Variants in SCNN1B observed in about 807,000 individuals in gnomAD.
SCNN1B encodes the protein epithelial sodium channel subunit beta.
A neutral mutation model predicts 65.3 loss-of-function variants in SCNN1B; 46 were observed. The observed-to-expected ratio is 0.70, with a 90% CI of 0.56 to 0.90. SCNN1B has a LOEUF of 0.90. SCNN1B is among the 40% of genes least tolerant of loss of function. The probability of loss-of-function intolerance (pLI) is 0.00; values close to 1 mark genes in which losing one functional copy is unlikely to be tolerated. For missense variants in SCNN1B, 751 were observed against 830.5 expected (o/e 0.90, Z 1.18); for synonymous variants, 349 against 330.6 (o/e 1.06, Z -0.60).
chr16:23,305,721 TG>T (rs1312150844), intron 1 of SCNN1B, among the ~76,000 whole-genome samples: 6 of 149,248 alleles, frequency 4.0e-5, no homozygotes, highest in African/African-American at 1.5e-4. Context: ...TACTCCAGCT[TG>T]GGCAACAGAG....
At position 23,367,843 on chromosome 16, in the gene SCNN1B, CTG is replaced by C; in HGVS notation, c.777-11_777-10del. On this transcript the variant is annotated splice_polypyrimidine_tract_variant and intron_variant, in intron 4 of 12. Transcript: ENST00000343070. Reference sequence around the variant, plus strand: ...GGTGGAACCTGCCCTGCAGCTGATGCTGTTTCTTTTAGGAACTTCACGTCCAT... The same window carrying C: ...GGTGGAACCTGCCCTGCAGCTGATGCTTTCTTTTAGGAACTTCACGTCCAT... 6.3e-7 allele frequency: 1 copy of C among 1,599,900 alleles called. No homozygotes were observed. The highest frequency in any genetic ancestry group is 8.6e-7 in the Non-Finnish European group (1 of 1,167,028).
chr16:23,380,908 TC>T lies in SCNN1B; in HGVS notation c.*109del. On this transcript the variant is annotated 3_prime_UTR_variant, in exon 13 of 13. Transcript: ENST00000343070. The surrounding 1 kb of genome is among the most constrained non-coding windows in gnomAD (Gnocchi z 5.4). Reference sequence around the variant, plus strand: ...CTCCAAAGGGTCGGGAGGGTAGCTCTCCAGGCCAGAGCTTGTGTCCTTCAAC... The same window carrying T: ...CTCCAAAGGGTCGGGAGGGTAGCTCTCAGGCCAGAGCTTGTGTCCTTCAAC... The T allele has an allele frequency of 8.0e-7, 1 of 1,248,974 alleles. No homozygotes were observed. The highest frequency in any genetic ancestry group is 1.2e-6 in the Non-Finnish European group (1 of 856,100). 77.4% of individuals were successfully genotyped at this position (1,248,974 alleles called of 1,614,324 possible). A position where few individuals can be genotyped will look rare whatever the true frequency, so the allele number is the denominator to read the frequency against.
At chr16:23,280,157 T>C (rs1194537121) in intron 1 of SCNN1B, among the ~76,000 whole-genome samples, 1 of 152,202 alleles carries the variant, frequency 6.6e-6, no homozygotes, top group Non-Finnish European at 1.5e-5. Context: ...GGGCTTTGCG[T>C]TCATCCTCTT....
At chr16:23,360,323 G>A (rs1335239773) in intron 4 of SCNN1B, among the ~76,000 whole-genome samples, 2 of 152,054 alleles carry the variant, frequency 1.3e-5, no homozygotes, top group Non-Finnish European at 2.9e-5. Flanking sequence ...ATCGCTTGAG[G>A]CCAGGAGTTT....
chr16:23,324,241 G>A (rs149918532), intron 1 of SCNN1B, among the ~76,000 whole-genome samples: 6 of 150,430 alleles, frequency 4.0e-5, no homozygotes, highest in African/African-American at 1.5e-4. Context: ...AGGGTGGAGT[G>A]CAGCGGTACA....
rs61729788 is a variant in SCNN1B, at chr16:23,375,747, C to T, written c.1162C>T (p.Arg388Cys). The T allele has an allele frequency of 2.2e-3, 3,509 of 1,613,382 alleles. 46 individuals carry two copies. In the African/African-American group the frequency reaches 0.033, roughly 15 times the overall value. Residue 388 changes from arginine to cysteine, a missense_variant, in exon 8 of 13, where the codon CGC becomes TGC. Arg to Cys is a radical substitution (Grantham distance 180). Coordinates refer to ENST00000343070, the MANE Select transcript of SCNN1B (RefSeq NM_000336.3). ...CCCCTACCCTCCCCAGGCCTGTCTT[C>T]GCTCCTGCTTCCAAGACCACATGAT... Reference protein sequence around the residue: ...NTTYSIQACLRSCFQDHMIRN... With the variant: ...NTTYSIQACLCSCFQDHMIRN...
intron 4 of SCNN1B, among the ~76,000 whole-genome samples, chr16:23,367,495 A>G (rs1490158781): frequency 2.6e-5 from 4 of 152,132 alleles, no homozygotes; most frequent in Non-Finnish European, 5.9e-5. Flanking sequence ...TGAGGGTCTC[A>G]CCATGTTGCC....
chr16:23,313,158 T>TGATG (rs1005412817), intron 1 of SCNN1B, among the ~76,000 whole-genome samples: 10 of 152,258 alleles, frequency 6.6e-5, no homozygotes, highest in African/African-American at 9.6e-5. Context: ...AATGAATGAA[T>TGATG]GATGGATGGA....
chr16:23,371,545 A>T, intron 6 of SCNN1B, 83 bp downstream of exon 6: 1 of 1,413,284 alleles, frequency 7.1e-7, no homozygotes. Context: ...TTGGCCTGGG[A>T]GGAGGGGATC....
chr16:23,337,435 A>C (rs1198763747), intron 1 of SCNN1B, among the ~76,000 whole-genome samples: 1 of 138,210 alleles, frequency 7.2e-6, no homozygotes, highest in Non-Finnish European at 1.5e-5. Flanking sequence ...GTGCAGTGGT[A>C]TGATCTCGGC....
intron 1 of SCNN1B, among the ~76,000 whole-genome samples, chr16:23,343,643 GAAA>G (rs1567304484): frequency 0.01 from 1,086 of 108,326 alleles, 35 homozygotes; most frequent in African/African-American, 0.022. Flanking sequence ...AAGAAAGAAA[GAAA>G]GAAAAAAAGA....
At chr16:23,306,186 T>C (rs2141980990) in intron 1 of SCNN1B, among the ~76,000 whole-genome samples, 1 of 151,128 alleles carries the variant, frequency 6.6e-6, no homozygotes, top group Non-Finnish European at 1.5e-5. Context: ...GAGATTGCGA[T>C]GAGCCGAGAT....
In SCNN1B at chr16:23,377,237, G is replaced by T; in HGVS notation, c.1343G>T (p.Cys448Phe). 6.2e-7 allele frequency: 1 copy of T among 1,614,228 alleles called. No individual in the cohort carries two copies. The highest frequency in any genetic ancestry group is 8.5e-7 in the Non-Finnish European group (1 of 1,180,034). Residue 448 changes from cysteine (C) to phenylalanine (F), a missense_variant, in exon 9 of 13, where the codon TGC (cysteine) becomes TTC (phenylalanine). Coordinates refer to ENST00000343070, the MANE Select transcript of SCNN1B (RefSeq NM_000336.3). ...ETCIGMCKESCNDTQYKMTIS... is the reference protein window; with the variant it reads ...ETCIGMCKESFNDTQYKMTIS... ...TGCATTGGCATGTGCAAGGAGTCCT[G>T]CAAGTGAGTGCGGGTGGGCGGGCAC...
intron 11 of SCNN1B, among the ~76,000 whole-genome samples, chr16:23,379,572 C>T (rs537855646): frequency 4.6e-4 from 70 of 152,244 alleles, no homozygotes; most frequent in African/African-American, 1.5e-3. Context: ...AGCCTGAGGA[C>T]GATCAGGTGG....
At chr16:23,335,507 G>T (rs1002103415) in intron 1 of SCNN1B, among the ~76,000 whole-genome samples, 1 of 149,500 alleles carries the variant, frequency 6.7e-6, no homozygotes, top group Non-Finnish European at 1.5e-5. Flanking sequence ...CCAGGCCGGA[G>T]GGCAGGCTTG....
In SCNN1B at chr16:23,348,752, G is replaced by A. The variant is rs372994709; in HGVS notation, c.153G>A (p.Met51Ile). The part of the protein sequence containing the change: ...IICEGPKKKA[M>I]WFLLTLLFAA... ...GTGAGGGGCCCAAGAAGAAAGCCAT[G>A]TGGTTCCTGCTCACCCTGCTCTTCG... The change falls in exon 2 of 13, where the codon ATG becomes ATA. Residue 51 changes from methionine to isoleucine, a missense_variant. Met to Ile is a conservative substitution (Grantham distance 10). Transcript: ENST00000343070. The surrounding 1 kb of genome is among the most constrained non-coding windows in gnomAD (Gnocchi z 4.5). The A allele has an allele frequency of 1.9e-4, 304 of 1,614,100 alleles. No individual in the cohort carries two copies. Among genetic ancestry groups the A allele is most frequent in the Non-Finnish European group, 2.5e-4 (292 of 1,180,054 alleles).
intron 11 of SCNN1B, 139 bp from the exon 12 acceptor site, chr16:23,379,955 G>T (rs901797026): frequency 1.3e-6 from 1 of 752,378 alleles, no homozygotes; most frequent in East Asian, 2.6e-5. Context: ...TGTGTGCACG[G>T]GTGTGTGGGT....
At chr16:23,326,759 C>A (rs1271879582) in intron 1 of SCNN1B, among the ~76,000 whole-genome samples, 1 of 151,740 alleles carries the variant, frequency 6.6e-6, no homozygotes, top group Non-Finnish European at 1.5e-5. Flanking sequence ...TGAGCCACCA[C>A]ACTCAGTCAT....
At chr16:23,319,026 T>G (rs534866679) in intron 1 of SCNN1B, among the ~76,000 whole-genome samples, 9 of 147,160 alleles carry the variant, frequency 6.1e-5, no homozygotes, top group East Asian at 4.0e-4. Flanking sequence ...TTTTGTTTTT[T>G]GGGGGTTTTG....
Sources: gnomAD v4.1 joint callset for allele counts (sites outside exome capture counted in the v4.1 genomes callset) on GRCh38, gnomAD v4.1.1 for gene constraint, Gnocchi (gnomAD v3.1) non-coding constraint, MANE v1.5 for transcripts, NCBI Gene and HGNC (gene_info 2026-07-23, HGNC 2026-07-21) for gene names.